APBA1: variants seen among roughly 807,000 people sequenced by gnomAD.
The protein encoded by APBA1 is amyloid beta precursor protein binding family A member 1.
A neutral mutation model predicts 86.6 loss-of-function variants in APBA1; 55 were observed. The ratio of observed to expected loss-of-function variants is 0.64; its 90% CI spans 0.51 to 0.80. The LOEUF (loss-of-function observed/expected upper bound fraction) is 0.80. Ranked by LOEUF, APBA1 falls within the 30% of genes least tolerant of loss-of-function variation. The pLI, the probability that APBA1 is intolerant of heterozygous loss-of-function variation, is 0.00. For synonymous variants in APBA1, 511 were observed against 493.9 expected (o/e 1.03, Z -0.46); for missense variants, 1,090 against 1,183.0 (o/e 0.92, Z 1.15).
intron 1 of APBA1, among the ~76,000 whole-genome samples, chr9:69,564,442 A>G (rs1017733446): frequency 2.0e-5 from 3 of 152,340 alleles, no homozygotes. Flanking sequence ...CATTTCAATA[A>G]GGTAGGCTGG....
At chr9:69,524,589 A>G (rs985327541) in intron 1 of APBA1, among the ~76,000 whole-genome samples, 1 of 152,022 alleles carries the variant, frequency 6.6e-6, no homozygotes. Context: ...ATACAAAAAA[A>G]AACAAAAACC....
intron 1 of APBA1, among the ~76,000 whole-genome samples, chr9:69,622,865 G>T (rs984155440): frequency 6.6e-6 from 1 of 152,154 alleles, no homozygotes; most frequent in Non-Finnish European, 1.5e-5. Context: ...AAACCCTTCT[G>T]ATGTTTGGAA....
intron 11 of APBA1, among the ~76,000 whole-genome samples, chr9:69,433,756 G>A (rs1319902491): frequency 6.6e-6 from 1 of 151,752 alleles, no homozygotes; most frequent in Non-Finnish European, 1.5e-5. Context: ...GAAGTTCAAG[G>A]GTATTTCTAA....
intron 1 of APBA1, among the ~76,000 whole-genome samples, chr9:69,523,217 T>C (rs1836280669): frequency 6.6e-6 from 1 of 152,072 alleles, no homozygotes; most frequent in African/African-American, 2.4e-5. Context: ...TAAATTACTT[T>C]AGTTGCTCTT....
chr9:69,580,309 AG>A (rs1235672163), intron 1 of APBA1, among the ~76,000 whole-genome samples: 1 of 152,180 alleles, frequency 6.6e-6, no homozygotes, highest in Admixed American at 6.5e-5. Flanking sequence ...GGGTGGTTTC[AG>A]GGTTAACACT....
intron 1 of APBA1, among the ~76,000 whole-genome samples, chr9:69,544,358 G>A (rs1336866434): frequency 6.6e-6 from 1 of 152,190 alleles, no homozygotes; most frequent in Non-Finnish European, 1.5e-5. Flanking sequence ...ATAGCTGAAA[G>A]TAATACAAAG....
Position 69,572,315 on chromosome 9 carries a change from C to T in APBA1, c.-69-55036G>A, listed in dbSNP as rs138791704. On this transcript the variant is annotated intron_variant, in intron 1 of 12. Transcript: ENST00000265381. ...TCCATGTGTTCTCATTGTTCAGCTC[C>T]CACTTCTAAGTGAAAACATGCAGTG... 3.0e-3 allele frequency among the ~76,000 whole-genome samples: 450 copies of T among 152,242 alleles called. 1 individual carries two copies. The highest frequency in any genetic ancestry group is 5.2e-3 in the Admixed American group (80 of 15,290).
intron 1 of APBA1, among the ~76,000 whole-genome samples, chr9:69,555,773 T>C (rs540127760): frequency 6.6e-6 from 1 of 152,338 alleles, no homozygotes; most frequent in African/African-American, 2.4e-5. Context: ...TTATTACTAG[T>C]GAGTGGAACA....
intron 2 of APBA1, among the ~76,000 whole-genome samples, chr9:69,489,980 T>C (rs920918939): frequency 1.5e-4 from 23 of 152,110 alleles, no homozygotes; most frequent in Non-Finnish European, 1.0e-4. Flanking sequence ...ACTGGGTATA[T>C]ACCCAAAGGA....
At chr9:69,616,868 C>T (rs1231949761) in intron 1 of APBA1, among the ~76,000 whole-genome samples, 2 of 152,108 alleles carry the variant, frequency 1.3e-5, no homozygotes, top group Non-Finnish European at 2.9e-5. Context: ...TGAAAGTTAT[C>T]AGAATCAAAA....
chr9:69,639,858 A>T lies in APBA1; in HGVS notation c.-70+32295T>A, dbSNP rs149505618. On this transcript the variant is annotated intron_variant, in intron 1 of 12. Coordinates refer to ENST00000265381, the MANE Select transcript of APBA1 (RefSeq NM_001163.4). ...TGTCATCATTTTTAAATCCCAATAA[A>T]TTAATACACTTAGAAAAAGCACTTA... 5.2e-4 allele frequency among the ~76,000 whole-genome samples: 79 copies of T among 152,306 alleles called. 1 individual carries two copies. The highest frequency in any genetic ancestry group is 1.9e-3 in the African/African-American group (79 of 41,582).
intron 2 of APBA1, among the ~76,000 whole-genome samples, chr9:69,485,083 TG>T (rs1163711944): frequency 2.6e-5 from 4 of 151,702 alleles, no homozygotes; most frequent in African/African-American, 9.7e-5. Flanking sequence ...CCAAAAACAC[TG>T]GGGTTACAGG....
intron 1 of APBA1, among the ~76,000 whole-genome samples, chr9:69,583,069 TG>T (rs1181135173): frequency 6.6e-6 from 1 of 152,184 alleles, no homozygotes; most frequent in African/African-American, 2.4e-5. Context: ...TCTTTGTCTA[TG>T]AGGAACATCT....
At chr9:69,515,759 A>T (rs765887580) in intron 2 of APBA1, among the ~76,000 whole-genome samples, 1 of 148,956 alleles carries the variant, frequency 6.7e-6, no homozygotes, top group Non-Finnish European at 1.5e-5. Context: ...GTCTCCAGGC[A>T]CAGTGTGGGA....
intron 1 of APBA1, among the ~76,000 whole-genome samples, chr9:69,567,373 T>G (rs1462467721): frequency 6.6e-6 from 1 of 152,298 alleles, no homozygotes; most frequent in East Asian, 1.9e-4. Flanking sequence ...GTCATTCATG[T>G]AACTGGAATT....
chr9:69,620,467 C>G (rs528970370), intron 1 of APBA1, among the ~76,000 whole-genome samples: 33 of 152,222 alleles, frequency 2.2e-4, no homozygotes, highest in Non-Finnish European at 4.6e-4. Context: ...GATCTGAGGT[C>G]AGGAGTTCAA....
chr9:69,667,829 C>T (rs1823871200), intron 1 of APBA1, among the ~76,000 whole-genome samples: 1 of 151,996 alleles, frequency 6.6e-6, no homozygotes, highest in Non-Finnish European at 1.5e-5. Flanking sequence ...TCCCCCACGC[C>T]TCCCTTCAAC....
intron 2 of APBA1, among the ~76,000 whole-genome samples, chr9:69,515,726 C>A (rs953323620): frequency 4.8e-5 from 7 of 145,086 alleles, no homozygotes; most frequent in African/African-American, 1.9e-4. Context: ...GGGCGATGTA[C>A]CCAATAATGC....
intron 1 of APBA1, among the ~76,000 whole-genome samples, chr9:69,608,710 T>C (rs986352): frequency 0.33 from 50,718 of 152,032 alleles, 8,802 homozygotes; most frequent in African/African-American, 0.41. Context: ...GGTAATTATA[T>C]GCAATTATCT....
Sources: gnomAD v4.1 joint callset for allele counts (sites outside exome capture counted in the v4.1 genomes callset) on GRCh38, gnomAD v4.1.1 for gene constraint, MANE v1.5 for transcripts, NCBI Gene and HGNC (gene_info 2026-07-23, HGNC 2026-07-21) for gene names.